Variants in RGS7 observed in about 807,000 individuals in gnomAD.
The protein encoded by RGS7 is regulator of G-protein signaling 7.
Under a neutral mutation model 81.1 loss-of-function variants are expected in RGS7, and 27 were observed. The observed-to-expected ratio is 0.33, with a 90% CI of 0.25 to 0.46. The LOEUF is 0.46. Ranked by LOEUF, RGS7 falls within the 20% of genes least tolerant of loss-of-function variation. The pLI is 1.00. For synonymous variants in RGS7, 208 were observed against 207.7 expected, an observed-to-expected ratio of 1.00 and a Z score of -0.01; for missense variants, 396 against 607.4, an observed-to-expected ratio of 0.65 and a Z score of 3.66.
intron 3 of RGS7, among the ~76,000 whole-genome samples, chr1:241,087,951 TCTCTCTC>T (rs1558697580): frequency 1.3e-3 from 98 of 75,762 alleles, no homozygotes; most frequent in African/African-American, 4.2e-3. Context: ...TCCATCTCTC[TCTCTCTC>T]TCTCTCTCTC....
chr1:240,797,861 A>G (rs192328944), intron 18 of RGS7, among the ~76,000 whole-genome samples: 2 of 152,344 alleles, frequency 1.3e-5, no homozygotes, highest in Non-Finnish European at 2.9e-5. Flanking sequence ...TAAAGAAATA[A>G]AAGAGTAAAC....
intron 11 of RGS7, among the ~76,000 whole-genome samples, chr1:240,815,415 T>A (rs927203592): frequency 2.0e-5 from 3 of 152,160 alleles, no homozygotes; most frequent in Non-Finnish European, 4.4e-5. Context: ...AGAATCATAC[T>A]TCCCTCCAAA....
chr1:240,995,357 A>G (rs943495761), intron 3 of RGS7, among the ~76,000 whole-genome samples: 8 of 152,200 alleles, frequency 5.3e-5, no homozygotes, highest in African/African-American at 1.9e-4. Flanking sequence ...CATAAAATGA[A>G]TTGAGAGATA....
At chr1:241,192,701 G>A (rs1295338182) in intron 2 of RGS7, among the ~76,000 whole-genome samples, 1 of 152,092 alleles carries the variant, frequency 6.6e-6, no homozygotes, top group African/African-American at 2.4e-5. Context: ...AAGAGCCCAG[G>A]TGAGAGAAGA....
intron 2 of RGS7, among the ~76,000 whole-genome samples, chr1:241,147,990 G>A (rs1363368853): frequency 6.8e-6 from 1 of 147,866 alleles, no homozygotes; most frequent in Non-Finnish European, 1.5e-5. Context: ...CTATATGCCT[G>A]GTGACAGGAT....
At chr1:240,886,220 A>AT (rs1667314438) in intron 6 of RGS7, among the ~76,000 whole-genome samples, 1 of 152,120 alleles carries the variant, frequency 6.6e-6, no homozygotes, top group Non-Finnish European at 1.5e-5. Flanking sequence ...TCTGTCTCTT[A>AT]TTTAAACATA....
intron 2 of RGS7, among the ~76,000 whole-genome samples, chr1:241,193,085 T>C (rs965665691): frequency 2.0e-5 from 3 of 152,332 alleles, no homozygotes; most frequent in African/African-American, 7.2e-5. Context: ...GGATTTAAAA[T>C]GTCATTTAAA....
At chr1:240,838,991 TC>T (rs1695162822) in intron 9 of RGS7, among the ~76,000 whole-genome samples, 1 of 152,188 alleles carries the variant, frequency 6.6e-6, no homozygotes, top group South Asian at 2.1e-4. Context: ...GGTCTCCATC[TC>T]CTGACCTCGT....
rs180924598 is a variant in RGS7, at chr1:241,251,264, C to A, written c.78+104435G>T. ...ATGAAAAAGTACCTGAAGCCTTTAA[C>A]TTTGAAGCCCGGGCTTCAAAGACAT... On this transcript the variant is annotated intron_variant, in intron 2 of 18. Coordinates refer to ENST00000440928, the MANE Select transcript of RGS7 (RefSeq NM_001364886.1). 2.6e-5 allele frequency among the ~76,000 whole-genome samples: 4 copies of A among 152,284 alleles called. No individual in the cohort carries two copies. In the East Asian group the frequency reaches 7.7e-4, roughly 29 times the overall value.
chr1:241,020,130 T>C (rs909805242), intron 3 of RGS7, among the ~76,000 whole-genome samples: 2 of 152,196 alleles, frequency 1.3e-5, no homozygotes. Context: ...TAAGATGCCT[T>C]ACCTAATGAA....
chr1:241,231,989 G>A (rs2075686987), intron 2 of RGS7, among the ~76,000 whole-genome samples: 1 of 152,094 alleles, frequency 6.6e-6, no homozygotes, highest in Non-Finnish European at 1.5e-5. Flanking sequence ...TTCATTTTGA[G>A]GTAATTTTAT....
chr1:241,286,539 T>A (rs1255451380), intron 2 of RGS7, among the ~76,000 whole-genome samples: 1 of 152,182 alleles, frequency 6.6e-6, no homozygotes, highest in East Asian at 1.9e-4. Context: ...CCAACAAGCC[T>A]GACTGCACAA....
intron 2 of RGS7, among the ~76,000 whole-genome samples, chr1:241,343,287 C>A (rs1225890268): frequency 4.0e-5 from 6 of 149,872 alleles, no homozygotes; most frequent in Non-Finnish European, 7.4e-5. Context: ...ATTAAAAGTA[C>A]AATTACCAGG....
At chr1:240,960,232 T>TTTG (rs1558526745) in intron 4 of RGS7, among the ~76,000 whole-genome samples, 11 of 70,232 alleles carry the variant, frequency 1.6e-4, no homozygotes, top group East Asian at 3.7e-4. Flanking sequence ...TTTTTTTTTT[T>TTTG]TTGTTGTTGT....
At chr1:240,940,248 T>C (rs1461545778) in intron 4 of RGS7, among the ~76,000 whole-genome samples, 1 of 152,210 alleles carries the variant, frequency 6.6e-6, no homozygotes. Context: ...TTATTGTTTG[T>C]CTAAAAAGTA....
At chr1:241,199,985 C>T (rs1277705968) in intron 2 of RGS7, among the ~76,000 whole-genome samples, 1 of 152,142 alleles carries the variant, frequency 6.6e-6, no homozygotes, top group Non-Finnish European at 1.5e-5. Flanking sequence ...GCTTCCTCTG[C>T]CTGTATGAAG....
intron 18 of RGS7, among the ~76,000 whole-genome samples, chr1:240,796,035 C>A (rs554603587): frequency 2.0e-4 from 31 of 152,256 alleles, no homozygotes; most frequent in Middle Eastern, 3.4e-3. Flanking sequence ...CACGTTCCCG[C>A]CTCAGCCCCA....
chr1:240,976,914 T>A (rs111206194), intron 4 of RGS7, among the ~76,000 whole-genome samples: 69 of 151,278 alleles, frequency 4.6e-4, no homozygotes, highest in African/African-American at 1.4e-3. Flanking sequence ...TCTATTATCT[T>A]TCTATCATCC....
intron 3 of RGS7, among the ~76,000 whole-genome samples, chr1:241,086,224 GA>G (rs1190790269): frequency 6.6e-6 from 1 of 152,182 alleles, no homozygotes; most frequent in East Asian, 1.9e-4. Flanking sequence ...TACGTTGCCT[GA>G]AAGTGAATAT....
Sources: allele counts gnomAD v4.1 joint callset (sites outside exome capture counted in the v4.1 genomes callset), GRCh38; gene constraint gnomAD v4.1.1; transcripts MANE v1.5; gene names NCBI Gene and HGNC (gene_info 2026-07-23, HGNC 2026-07-21).